PLIN2: variants seen among roughly 807,000 people sequenced by gnomAD.
The protein encoded by PLIN2 is perilipin-2.
A neutral mutation model predicts 30.6 loss-of-function variants in PLIN2; 33 were observed. The ratio of observed to expected loss-of-function variants is 1.08; its 90% CI spans 0.82 to 1.44. The LOEUF is 1.44. Ranked by LOEUF, PLIN2 falls within the 40% of genes most tolerant of loss-of-function variation. The pLI, the probability that PLIN2 is intolerant of heterozygous loss-of-function variation, is 0.00. For missense variants in PLIN2, 610 were observed against 531.8 expected (o/e 1.15, Z -1.45); for synonymous variants, 205 against 201.1 (o/e 1.02, Z -0.16).
At chr9:19,112,967 CT>C (rs80091463), downstream of PLIN2, among the ~76,000 whole-genome samples, 395 of 144,364 alleles carry the variant, frequency 2.7e-3, no homozygotes, top group Middle Eastern at 7.2e-3. Flanking sequence ...GACTACAATT[CT>C]TTTTTTTTTT....
chr9:19,114,406 C>A (rs897335247), downstream of PLIN2, among the ~76,000 whole-genome samples: 15 of 151,412 alleles, frequency 9.9e-5, no homozygotes, highest in Admixed American at 7.2e-4. Context: ...AGCTCTATTT[C>A]ACATTTTTTT....
chr9:19,116,422 T>G lies in PLIN2; in HGVS notation c.1140A>C (p.Lys380Asn), dbSNP rs769914967. The change falls in exon 8 of 8, where the codon AAA becomes AAC. Residue 380 changes from lysine (K) to asparagine (N), a missense_variant. By Grantham distance (94) the Lys-to-Asn change is moderately conservative (BLOSUM62 0). Coordinates refer to ENST00000276914, the MANE Select transcript of PLIN2 (RefSeq NM_001122.4). ...LLTSSKGQLQ[K>N]MKESLDDVMD... ...TCACGTCATCTAAAGATTCCTTCATTTTCTGCAGCTGCCCCTTGCTAGAAG... is the reference window on the plus strand; with the variant it reads ...TCACGTCATCTAAAGATTCCTTCATGTTCTGCAGCTGCCCCTTGCTAGAAG... 48 of 1,614,078 alleles carry G rather than the reference T, an allele frequency of 3.0e-5. No individual in the cohort carries two copies. The highest frequency in any genetic ancestry group is 3.9e-5 in the Non-Finnish European group (46 of 1,180,042).
intron 7 of PLIN2, among the ~76,000 whole-genome samples, chr9:19,118,021 A>G (rs140946058): frequency 2.4e-4 from 36 of 152,326 alleles, no homozygotes; most frequent in African/African-American, 8.4e-4. Context: ...AAAAGGCACA[A>G]AATAGGACAG....
rs766216608 is a variant in PLIN2 at position 19,121,058 on chromosome 9, G to C, written c.417C>G (p.Asp139Glu). The C allele has an allele frequency of 9.9e-6, 16 of 1,614,022 alleles. No individual in the cohort carries two copies. The highest frequency in any genetic ancestry group is 3.3e-5 in the Admixed American group (2 of 59,994). Reference protein sequence around the residue: ...SVASTITGVMDKTKGAVTGSV... With the variant: ...SVASTITGVMEKTKGAVTGSV... ...TGCCAGTCACTGCCCCTTTGGTCTT[G>C]TCCATCACCCCTGTGATCGTGCTGG... The change falls in exon 5 of 8, where the codon GAC becomes GAG. Residue 139 changes from aspartate to glutamate, a missense_variant. Coordinates refer to ENST00000276914, the MANE Select transcript of PLIN2 (RefSeq NM_001122.4).
downstream of PLIN2, among the ~76,000 whole-genome samples, chr9:19,113,581 T>A (rs906817090): frequency 9.8e-6 from 1 of 101,538 alleles, no homozygotes; most frequent in African/African-American, 7.3e-5. Flanking sequence ...GATAAAAACT[T>A]TTTTTTTTTT....
chr9:19,125,174 C>G (rs1257566576), intron 3 of PLIN2, among the ~76,000 whole-genome samples: 8 of 152,196 alleles, frequency 5.3e-5, no homozygotes, highest in African/African-American at 1.7e-4. Context: ...ACAAATTTCA[C>G]CATTTCAACC....
rs769076843 is a variant in PLIN2, at chr9:19,116,534, G to C, written c.1028C>G (p.Ala343Gly). ...QGVPQNIQDQAKHMGVMAGDI... is the reference protein window; with the variant it reads ...QGVPQNIQDQGKHMGVMAGDI... The stretch of plus-strand genomic sequence containing the variant: ...GCCTGCCATCACCCCCATGTGCTTG[G>C]CTTGATCTTGGATGTTCTGTGGTAC... Residue 343 changes from alanine to glycine, a missense_variant, in exon 8 of 8, where the codon GCC becomes GGC. By Grantham distance (60) the Ala-to-Gly change is moderately conservative. Coordinates refer to ENST00000276914, the MANE Select transcript of PLIN2 (RefSeq NM_001122.4). The C allele has an allele frequency of 6.2e-7, 1 of 1,614,166 alleles. No individual in the cohort carries two copies. The highest frequency in any genetic ancestry group is 8.5e-7 in the Non-Finnish European group (1 of 1,180,034).
rs766995758 is a variant in PLIN2 at position 19,126,118 on chromosome 9, C to T, written c.222G>A (p.Pro74=). Residue 74 remains proline, a synonymous_variant, in exon 3 of 8, where the codon CCG becomes CCA. Coordinates refer to ENST00000276914, the MANE Select transcript of PLIN2 (RefSeq NM_001122.4). ...SALPIIQKLE[P]QIAVANTYAC... ...TCTTGAAAAATCAGAACTCACTTTG[C>T]GGCTCTAGCTTCTGGATGATGGGCA... is the stretch of plus-strand genomic sequence containing the variant. 8 of 1,612,522 alleles carry T rather than the reference C, an allele frequency of 5.0e-6. No individual in the cohort carries two copies. Among genetic ancestry groups the T allele is most frequent in the Non-Finnish European group, 5.9e-6 (7 of 1,178,922 alleles).
Position 19,116,535 on chromosome 9 carries a change from C to T in PLIN2, c.1027G>A (p.Ala343Thr), listed in dbSNP as rs774734520. 1.2e-6 allele frequency: 2 copies of T among 1,614,154 alleles called. No individual in the cohort carries two copies. Among genetic ancestry groups the T allele is most frequent in the East Asian group, 2.2e-5 (1 of 44,888 alleles). ...QGVPQNIQDQ[A>T]KHMGVMAGDI... Reference sequence around the variant, plus strand: ...CCTGCCATCACCCCCATGTGCTTGGCTTGATCTTGGATGTTCTGTGGTACA... The same window carrying T: ...CCTGCCATCACCCCCATGTGCTTGGTTTGATCTTGGATGTTCTGTGGTACA... Residue 343 changes from alanine (A) to threonine (T), a missense_variant, in exon 8 of 8, where the codon GCC becomes ACC. Ala to Thr is a moderately conservative substitution (Grantham distance 58). Transcript: ENST00000276914.
At position 19,108,793 on chromosome 9, in the gene PLIN2, G is replaced by A. The variant is rs1259837161; in HGVS notation, n.418-46C>T. 3 of 152,614 alleles carry A rather than the reference G, an allele frequency of 2.0e-5. 1 individual carries two copies. Among genetic ancestry groups the A allele is most frequent in the Admixed American group, 2.0e-4 (3 of 15,268 alleles). The allele number at this position is 152,614 out of a possible 1,614,324, so 9.5% of individuals were successfully genotyped here. Reference sequence around the variant, plus strand: ...ATATTGAAACAAACACCGATGAAGTGAGTTGTCAGGTCCATCTGAGCTCAT... The same window carrying A: ...ATATTGAAACAAACACCGATGAAGTAAGTTGTCAGGTCCATCTGAGCTCAT... On this transcript the variant is annotated intron_variant and non_coding_transcript_variant, in intron 2 of 2. Transcript: ENST00000464326.
intron 3 of PLIN2, among the ~76,000 whole-genome samples, chr9:19,124,090 A>T (rs990816333): frequency 6.6e-6 from 1 of 151,818 alleles, no homozygotes; most frequent in Non-Finnish European, 1.5e-5. Flanking sequence ...TAGTTCTGAC[A>T]GGAAGAGGCC....
At chr9:19,116,895 G>A (rs1320071543) in intron 7 of PLIN2, among the ~76,000 whole-genome samples, 3 of 152,166 alleles carry the variant, frequency 2.0e-5, no homozygotes, top group African/African-American at 7.2e-5. Flanking sequence ...ACTAGTGCCT[G>A]AGTCTCCAAA....
Position 19,119,681 on chromosome 9 carries a change from G to T in PLIN2, c.746C>A (p.Thr249Asn). Residue 249 changes from threonine to asparagine, a missense_variant, in exon 6 of 8, where the codon ACC becomes AAC. Thr to Asn is a moderately conservative substitution (Grantham distance 65). Coordinates refer to ENST00000276914, the MANE Select transcript of PLIN2 (RefSeq NM_001122.4). ...VKEAKQKSQQ[T>N]ISQLHSTVHL... The stretch of plus-strand genomic sequence containing the variant: ...AACAGTAGAATGGAGCTGAGAAATG[G>T]TCTGTTGGCTTTTTTGCTTAGCTTC... 1 of 1,607,290 alleles carries T rather than the reference G, an allele frequency of 6.2e-7. No individual in the cohort carries two copies. Among genetic ancestry groups the T allele is most frequent in the Non-Finnish European group, 8.5e-7 (1 of 1,176,088 alleles).
intron 3 of PLIN2, 73 bp downstream of exon 3, chr9:19,126,041 T>C (rs1334584981): frequency 1.5e-6 from 2 of 1,292,480 alleles, no homozygotes; most frequent in East Asian, 4.6e-5. Context: ...GAGTTCCAGA[T>C]GTTACTGCTG....
rs905213575 is a variant in PLIN2 at position 19,118,376 on chromosome 9, A to G, written c.857T>C (p.Val286Ala). 16 of 1,613,192 alleles carry G rather than the reference A, an allele frequency of 9.9e-6. No homozygotes were observed. The highest frequency in any genetic ancestry group is 1.4e-5 in the Non-Finnish European group (16 of 1,179,374). Residue 286 changes from valine to alanine, a missense_variant, in exon 7 of 8, where the codon GTA (valine) becomes GCA (alanine). Val to Ala is a moderately conservative substitution (Grantham distance 64). Coordinates refer to ENST00000276914, the MANE Select transcript of PLIN2 (RefSeq NM_001122.4). ...ATATCCAATGCTCCTTTTCCACTCTACCCATGAGAGGTAGAGCTTATCCTG... is the reference window on the plus strand; with the variant it reads ...ATATCCAATGCTCCTTTTCCACTCTGCCCATGAGAGGTAGAGCTTATCCTG... ...DAQDKLYLSW[V>A]EWKRSIGYDD...
At chr9:19,125,203 C>G (rs1818376889) in intron 3 of PLIN2, among the ~76,000 whole-genome samples, 1 of 152,196 alleles carries the variant, frequency 6.6e-6, no homozygotes, top group Non-Finnish European at 1.5e-5. Flanking sequence ...CTGTGCAATT[C>G]AGTGGCATTA....
At chr9:19,120,595 A>G (rs1818298929) in intron 5 of PLIN2, among the ~76,000 whole-genome samples, 1 of 152,192 alleles carries the variant, frequency 6.6e-6, no homozygotes, top group East Asian at 1.9e-4. Context: ...CTGTAATCCC[A>G]GAACTTTGGG....
downstream of PLIN2, among the ~76,000 whole-genome samples, chr9:19,114,905 A>G (rs1458311117): frequency 1.3e-5 from 2 of 152,202 alleles, no homozygotes; most frequent in Admixed American, 6.5e-5. Context: ...ATGGTCTTCT[A>G]TACGTATGTC....
chr9:19,116,780 C>T, intron 7 of PLIN2, 131 bp from the exon 8 acceptor site: 1 of 677,964 alleles, frequency 1.5e-6, no homozygotes, highest in Non-Finnish European at 2.5e-6. Flanking sequence ...CATTACAATG[C>T]CGAGTGCAGC....
Sources: allele counts gnomAD v4.1 joint callset (sites outside exome capture counted in the v4.1 genomes callset), GRCh38; gene constraint gnomAD v4.1.1; transcripts MANE v1.5; gene names NCBI Gene and HGNC (gene_info 2026-07-23, HGNC 2026-07-21).